GRM7: variants seen among roughly 807,000 people sequenced by gnomAD.
GRM7 encodes metabotropic glutamate receptor 7.
A neutral mutation model predicts 84.5 loss-of-function variants in GRM7; 35 were observed. The observed-to-expected ratio is 0.41, with a 90% confidence interval of 0.32 to 0.55. The LOEUF is 0.55. Among genes scored for constraint, GRM7 ranks in the 20% least tolerant of loss-of-function variants. GRM7 has a pLI of 0.19. For synonymous variants in GRM7, 487 were observed against 455.1 expected, an observed-to-expected ratio of 1.07 and a Z score of -0.89; for missense variants, 1,003 against 1,194.6, an observed-to-expected ratio of 0.84 and a Z score of 2.36.
intron 1 of GRM7, among the ~76,000 whole-genome samples, chr3:6,955,125 T>C (rs1344082839): frequency 1.3e-5 from 2 of 152,242 alleles, no homozygotes; most frequent in Non-Finnish European, 1.5e-5. Flanking sequence ...TGACCTTTCT[T>C]TCACATAAAT....
intron 4 of GRM7, among the ~76,000 whole-genome samples, chr3:7,321,847 T>A (rs1349472823): frequency 1.3e-5 from 2 of 152,134 alleles, no homozygotes; most frequent in African/African-American, 2.4e-5. Flanking sequence ...CTAAAAAGTG[T>A]TCTTGTCTCA....
At chr3:7,715,860 TC>T (rs1701755643) in intron 9 of GRM7, among the ~76,000 whole-genome samples, 1 of 152,164 alleles carries the variant, frequency 6.6e-6, no homozygotes, top group South Asian at 2.1e-4. Flanking sequence ...CCTTCCTATT[TC>T]TTCTTCACTT....
intron 7 of GRM7, among the ~76,000 whole-genome samples, chr3:7,507,613 G>C (rs1203568530): frequency 1.3e-5 from 2 of 152,142 alleles, no homozygotes; most frequent in Admixed American, 6.6e-5. Flanking sequence ...TTTAGAACAG[G>C]TATAGTTCTA....
intron 9 of GRM7, among the ~76,000 whole-genome samples, chr3:7,734,257 G>A (rs1442726729): frequency 8.5e-6 from 1 of 117,658 alleles, no homozygotes; most frequent in Non-Finnish European, 1.8e-5. Context: ...CGGGGGGGGG[G>A]TTTCCTCTCA....
At chr3:6,966,897 T>G (rs1261867157) in intron 1 of GRM7, among the ~76,000 whole-genome samples, 2 of 152,340 alleles carry the variant, frequency 1.3e-5, no homozygotes, top group East Asian at 3.9e-4. Flanking sequence ...TTGGCCATGA[T>G]GAGGCTTAAC....
chr3:7,575,576 C>A (rs540153192), intron 7 of GRM7, among the ~76,000 whole-genome samples: 3 of 152,246 alleles, frequency 2.0e-5, no homozygotes, highest in Admixed American at 6.5e-5. Flanking sequence ...TAGATATATA[C>A]AAATGATATA....
chr3:7,658,052 C>T (rs1394149839), intron 8 of GRM7, among the ~76,000 whole-genome samples: 1 of 152,160 alleles, frequency 6.6e-6, no homozygotes, highest in Non-Finnish European at 1.5e-5. Flanking sequence ...ATGAAGAACA[C>T]TATTGTGAAT....
chr3:7,346,236 TAAC>T (rs920712137), intron 4 of GRM7, among the ~76,000 whole-genome samples: 2 of 151,932 alleles, frequency 1.3e-5, no homozygotes, highest in Non-Finnish European at 2.9e-5. Context: ...TCTCAGATTT[TAAC>T]AACATTAGCC....
At chr3:7,195,887 T>G (rs1695861570) in intron 2 of GRM7, among the ~76,000 whole-genome samples, 1 of 152,114 alleles carries the variant, frequency 6.6e-6, no homozygotes, top group South Asian at 2.1e-4. Context: ...TGTATAAACT[T>G]TCTAAGGTCT....
intron 1 of GRM7, among the ~76,000 whole-genome samples, chr3:6,935,116 A>G (rs1697641478): frequency 6.6e-6 from 1 of 152,214 alleles, no homozygotes; most frequent in African/African-American, 2.4e-5. Flanking sequence ...GAAAACTAGA[A>G]CATGATTCAT....
chr3:7,165,328 C>T (rs1313018669), intron 2 of GRM7, among the ~76,000 whole-genome samples: 3 of 152,052 alleles, frequency 2.0e-5, no homozygotes, highest in African/African-American at 4.8e-5. Context: ...GCCTCTGGCC[C>T]CCTGGTGGGC....
chr3:7,315,087 A>G (rs1031093325), intron 4 of GRM7, among the ~76,000 whole-genome samples: 1 of 152,000 alleles, frequency 6.6e-6, no homozygotes, highest in African/African-American at 2.4e-5. Flanking sequence ...TGTCAGGACT[A>G]TTAGAAAGAA....
intron 1 of GRM7, among the ~76,000 whole-genome samples, chr3:6,949,877 T>C (rs1575055733): frequency 1.3e-5 from 2 of 152,366 alleles, no homozygotes; most frequent in East Asian, 1.9e-4. Flanking sequence ...ATTTGTCATG[T>C]AGTTCTTGTG....
intron 8 of GRM7, among the ~76,000 whole-genome samples, chr3:7,662,327 G>A (rs1699499684): frequency 6.6e-6 from 1 of 152,096 alleles, no homozygotes; most frequent in Non-Finnish European, 1.5e-5. Context: ...TGATTTCTCT[G>A]GTGTACATCT....
chr3:7,151,301 C>T lies in GRM7; in HGVS notation c.736+4633C>T, dbSNP rs560405644. On this transcript the variant is annotated intron_variant, in intron 2 of 9. Coordinates refer to ENST00000357716, the MANE Select transcript of GRM7 (RefSeq NM_000844.4). This position sits in a 1 kb window ranked among gnomAD's most constrained non-coding sequence, Gnocchi z 4.5. ...ATGCACCTGTAATCCCAGCTACTGG[C>T]GAGGCTGAGGCGGGAGAACTGCTTG... 2.6e-5 allele frequency among the ~76,000 whole-genome samples: 4 copies of T among 152,010 alleles called. No homozygotes were observed. Among genetic ancestry groups the T allele is most frequent in the East Asian group, 3.9e-4 (2 of 5,146 alleles).
At chr3:7,022,772 G>T (rs561565540) in intron 1 of GRM7, among the ~76,000 whole-genome samples, 2 of 152,176 alleles carry the variant, frequency 1.3e-5, no homozygotes, top group African/African-American at 2.4e-5. Context: ...GGTCGTCTTT[G>T]TCCCTGTTGC....
intron 7 of GRM7, among the ~76,000 whole-genome samples, chr3:7,562,679 T>C (rs927051290): frequency 6.6e-6 from 1 of 152,144 alleles, no homozygotes; most frequent in Non-Finnish European, 1.5e-5. Flanking sequence ...CCACAGAATG[T>C]TGAGAGATAG....
rs538194882 is a variant in GRM7, at chr3:6,977,487, A to T, written c.519+115580A>T. 1.2e-4 allele frequency among the ~76,000 whole-genome samples: 18 copies of T among 152,170 alleles called. No homozygotes were observed. In the South Asian group the frequency reaches 3.7e-3, roughly 32 times the overall value. On this transcript the variant is annotated intron_variant, in intron 1 of 9. Transcript: ENST00000357716. ...ACTGCCTAAACTGTTCTTTTCTTCAATGTCAGAGGTCACAAAAGATGGGAC... is the reference window on the plus strand; with the variant it reads ...ACTGCCTAAACTGTTCTTTTCTTCATTGTCAGAGGTCACAAAAGATGGGAC...
At chr3:7,383,219 C>A (rs1363359601) in intron 4 of GRM7, among the ~76,000 whole-genome samples, 2 of 152,170 alleles carry the variant, frequency 1.3e-5, no homozygotes, top group African/African-American at 4.8e-5. Context: ...CAATAAATAT[C>A]TGGATCCCTA....
Sources: allele counts gnomAD v4.1 joint callset (sites outside exome capture counted in the v4.1 genomes callset), GRCh38; gene constraint gnomAD v4.1.1; non-coding constraint Gnocchi (gnomAD v3.1); transcripts MANE v1.5; gene names NCBI Gene and HGNC (gene_info 2026-07-23, HGNC 2026-07-21).